CREB1: variants seen among roughly 807,000 people sequenced by gnomAD.
The protein encoded by CREB1 is cAMP responsive element binding protein 1.
A neutral mutation model predicts 42.0 loss-of-function variants in CREB1; 2 were observed. The ratio of observed to expected loss-of-function variants is 0.05; its 90% CI spans 0.02 to 0.15. CREB1 has a LOEUF of 0.15. CREB1 is among the 10% of genes least tolerant of loss of function. The pLI, the probability that CREB1 is intolerant of heterozygous loss-of-function variation, is 1.00. For synonymous variants in CREB1, 123 were observed against 139.9 expected (o/e 0.88, Z 0.85); for missense variants, 199 against 388.9 (o/e 0.51, Z 4.11).
At chr2:207,559,267 T>C in intron 2 of CREB1, 1 of 974,916 alleles carries the variant, frequency 1.0e-6, no homozygotes, top group Non-Finnish European at 1.2e-6. Context: ...TAAGTAATAA[T>C]AACAAGTCTA....
intron 1 of CREB1, among the ~76,000 whole-genome samples, chr2:207,552,736 T>C (rs1466538094): frequency 6.6e-6 from 1 of 151,294 alleles, no homozygotes; most frequent in Non-Finnish European, 1.5e-5. Context: ...CTCCCAAATA[T>C]CCCAAGTAGC....
intron 5 of CREB1, chr2:207,571,783 C>G (rs767379603): frequency 4.4e-6 from 2 of 452,048 alleles, no homozygotes; most frequent in South Asian, 1.6e-5. Flanking sequence ...TTCACTGTTA[C>G]AGAGATTCTC....
intron 1 of CREB1, among the ~76,000 whole-genome samples, chr2:207,532,380 A>G (rs1420907835): frequency 6.6e-6 from 1 of 151,560 alleles, no homozygotes; most frequent in Non-Finnish European, 1.5e-5. Context: ...TTTTTAAAAA[A>G]TTGTTCACTG....
chr2:207,592,336 G>C (rs1370753306), intron 7 of CREB1, among the ~76,000 whole-genome samples: 3 of 152,226 alleles, frequency 2.0e-5, no homozygotes, highest in African/African-American at 7.2e-5. Context: ...AAACCCGGGA[G>C]GCAGAGGTTG....
chr2:207,570,490 G>T (rs1313550869), intron 5 of CREB1, among the ~76,000 whole-genome samples, 169 bp downstream of exon 5: 1 of 152,182 alleles, frequency 6.6e-6, no homozygotes, highest in Non-Finnish European at 1.5e-5. Context: ...TGTAATGGTA[G>T]TATTTTCTTT....
At chr2:207,532,308 C>A (rs1207732211) in intron 1 of CREB1, among the ~76,000 whole-genome samples, 2 of 148,218 alleles carry the variant, frequency 1.3e-5, no homozygotes, top group Non-Finnish European at 3.0e-5. Context: ...GGCGACACAG[C>A]AAGACTCCGT....
In CREB1 at chr2:207,604,016, C is replaced by T. The variant is rs2087604453; in HGVS notation, c.*6958C>T. Among the ~76,000 whole-genome samples the T allele has an allele frequency of 6.6e-6, 1 of 152,176 alleles. No homozygotes were observed. Among genetic ancestry groups the T allele is most frequent in the South Asian group, 2.1e-4 (1 of 4,826 alleles). ...AGGCTTAATGAATTTCATTTATTTT[C>T]TGCAACAACGATTACAGAATTTATT... On this transcript the variant is annotated 3_prime_UTR_variant, in exon 8 of 8. Coordinates refer to ENST00000353267, the MANE Select transcript of CREB1 (RefSeq NM_004379.5).
rs1178662662 is a variant in CREB1 at position 207,600,363 on chromosome 2, C to G, written c.*3305C>G. 6 of 186,486 alleles carry G rather than the reference C, an allele frequency of 3.2e-5. No homozygotes were observed. The highest frequency in any genetic ancestry group is 2.0e-4 in the South Asian group (1 of 5,090). The allele number at this position is 186,486 out of a possible 1,614,324, so 11.6% of individuals were successfully genotyped here. ...ATGAAATTTTACATTTTTGTGTGTT[C>G]TGTTGCATTCCTTCTGGTAGTTTCT... On this transcript the variant is annotated 3_prime_UTR_variant, in exon 8 of 8. Transcript: ENST00000353267.
rs749320836 is a variant in CREB1 at position 207,577,577 on chromosome 2, T to C, written c.761T>C (p.Met254Thr). 8.7e-6 allele frequency: 14 copies of C among 1,614,140 alleles called. No individual in the cohort carries two copies. The highest frequency in any genetic ancestry group is 2.2e-5 in the East Asian group (1 of 44,876). ...PTSTIAPGVV[M>T]ASSPALPTQP... is the part of the protein sequence containing the mutation. ...AGCACTATTGCCCCTGGAGTTGTTA[T>C]GGCATCCTCCCCAGCACTTCCTACA... is the stretch of plus-strand genomic sequence containing the variant. The change falls in exon 7 of 8, where the codon ATG (methionine) becomes ACG (threonine). Residue 254 changes from methionine to threonine, a missense_variant. This residue lies in a region of CREB1 where 14 missense variants were observed against 93.0 expected (regional missense o/e 0.15). Coordinates refer to ENST00000353267, the MANE Select transcript of CREB1 (RefSeq NM_004379.5).
intron 3 of CREB1, among the ~76,000 whole-genome samples, chr2:207,561,753 A>G (rs940619043): frequency 6.6e-6 from 1 of 152,146 alleles, no homozygotes; most frequent in Non-Finnish European, 1.5e-5. Context: ...ACATATAGTA[A>G]CCAGAACTGA....
At chr2:207,561,052 A>G in intron 3 of CREB1, 1 of 1,423,818 alleles carries the variant, frequency 7.0e-7, no homozygotes, top group South Asian at 1.2e-5. Context: ...ATTGAAAAAA[A>G]AGACTTGAAC....
In CREB1 at chr2:207,603,756, C is replaced by T. The variant is rs559584083; in HGVS notation, c.*6698C>T. On this transcript the variant is annotated 3_prime_UTR_variant, in exon 8 of 8. Transcript: ENST00000353267. The stretch of plus-strand genomic sequence containing the variant: ...CTGAAAGGACAATAAGACTATATAC[C>T]TTCTCAGGTCCCCTTGCAATTCTAA... 6.6e-6 allele frequency among the ~76,000 whole-genome samples: 1 copy of T among 152,204 alleles called. No individual in the cohort carries two copies. Among genetic ancestry groups the T allele is most frequent in the African/African-American group, 2.4e-5 (1 of 41,528 alleles).
At chr2:207,557,487 C>T (rs1427812700) in intron 2 of CREB1, among the ~76,000 whole-genome samples, 1 of 152,048 alleles carries the variant, frequency 6.6e-6, no homozygotes, top group Non-Finnish European at 1.5e-5. Context: ...TTGAGACCAT[C>T]CTGGCTAACA....
At chr2:207,589,083 T>G (rs1395721877) in intron 7 of CREB1, among the ~76,000 whole-genome samples, 1 of 151,734 alleles carries the variant, frequency 6.6e-6, no homozygotes, top group Non-Finnish European at 1.5e-5. Flanking sequence ...TCTTAGGGGG[T>G]GTATTAGTTT....
intron 1 of CREB1, among the ~76,000 whole-genome samples, chr2:207,544,782 T>C (rs1276928051): frequency 1.3e-5 from 2 of 152,166 alleles, no homozygotes; most frequent in Non-Finnish European, 2.9e-5. Context: ...CCATGTGTTC[T>C]CATCATGTAC....
intron 7 of CREB1, among the ~76,000 whole-genome samples, chr2:207,592,835 C>A (rs1473240505): frequency 2.7e-5 from 4 of 150,914 alleles, no homozygotes; most frequent in Non-Finnish European, 5.9e-5. Context: ...ATTGCTTGAA[C>A]CTGGGAGGTG....
chr2:207,589,915 C>T (rs2709392), intron 7 of CREB1, among the ~76,000 whole-genome samples: 23,944 of 151,810 alleles, frequency 0.16, 2,071 homozygotes, highest in Middle Eastern at 0.21. Context: ...AGTTTCTTTG[C>T]CGTGAGTTTG....
At chr2:207,530,922 TGA>T (rs1217692846) in intron 1 of CREB1, among the ~76,000 whole-genome samples, 2 of 151,338 alleles carry the variant, frequency 1.3e-5, no homozygotes, top group Admixed American at 1.3e-4. Context: ...AGTTGAGAGA[TGA>T]GAGCTTGTGC....
chr2:207,548,734 A>G (rs1410032757), intron 1 of CREB1, among the ~76,000 whole-genome samples: 1 of 152,050 alleles, frequency 6.6e-6, no homozygotes, highest in African/African-American at 2.4e-5. Flanking sequence ...CTGGGCAATG[A>G]GCAAAACTCT....
Sources: allele counts gnomAD v4.1 joint callset (sites outside exome capture counted in the v4.1 genomes callset), GRCh38; gene constraint gnomAD v4.1.1; regional missense constraint gnomAD v4.1.1; transcripts MANE v1.5; gene names NCBI Gene and HGNC (gene_info 2026-07-23, HGNC 2026-07-21).